The following RAP1GAP variants were observed in gnomAD, a reference collection of about 807,000 sequenced individuals.
RAP1GAP encodes the protein rap1 GTPase-activating protein 1.
RAP1GAP carries 35 observed loss-of-function variants against 87.2 expected under a neutral mutation model. The ratio of observed to expected loss-of-function variants is 0.40; its 90% CI spans 0.31 to 0.53. RAP1GAP has a LOEUF of 0.53. Among genes scored for constraint, RAP1GAP ranks in the 20% least tolerant of loss-of-function variants. RAP1GAP has a pLI of 0.48. For synonymous variants in RAP1GAP, 375 were observed against 363.9 expected (o/e 1.03, Z -0.35); for missense variants, 734 against 898.9 (o/e 0.82, Z 2.35).
At chr1:21,617,580 C>G (rs2083076522) in intron 6 of RAP1GAP, 89 bp from the exon 7 acceptor site, 1 of 1,415,082 alleles carries the variant, frequency 7.1e-7, no homozygotes, top group African/African-American at 1.4e-5. Context: ...GGAGCCGCTT[C>G]TGTCGTGGCT....
intron 3 of RAP1GAP, among the ~76,000 whole-genome samples, chr1:21,623,778 G>A (rs1304537263): frequency 2.6e-5 from 4 of 152,214 alleles, no homozygotes; most frequent in East Asian, 1.9e-4. Context: ...GAATGCTTCC[G>A]GGCACCCATC....
At chr1:21,605,737 T>C (rs1246499694) in intron 18 of RAP1GAP, among the ~76,000 whole-genome samples, 3 of 152,142 alleles carry the variant, frequency 2.0e-5, no homozygotes, top group African/African-American at 4.8e-5. Flanking sequence ...AGCAAACAGA[T>C]AGATACTCAA....
At chr1:21,635,376 C>A (rs112796200) in intron 2 of RAP1GAP, among the ~76,000 whole-genome samples, 1 of 152,226 alleles carries the variant, frequency 6.6e-6, no homozygotes, top group Non-Finnish European at 1.5e-5. Context: ...CCCACTCCCC[C>A]ATCTGCCCTT....
chr1:21,669,149 G>A lies in RAP1GAP; in HGVS notation c.-149+105C>T. 2.6e-6 allele frequency: 3 copies of A among 1,155,872 alleles called. No individual in the cohort carries two copies. Among genetic ancestry groups the A allele is most frequent in the East Asian group, 9.4e-5 (1 of 10,604 alleles). The allele number at this position is 1,155,872 out of a possible 1,614,324, so 71.6% of individuals were successfully genotyped here. ...CCCCACGCGTTCGCCCCCACCCTCC[G>A]TCCCCGCCCGCCCGCGCGGGGTCTT... On this transcript the variant is annotated intron_variant, in intron 1 of 24. Transcript: ENST00000374765. The surrounding 1 kb of genome is among the most constrained non-coding windows in gnomAD (Gnocchi z 5.6).
At position 21,597,981 on chromosome 1, in the gene RAP1GAP, C is replaced by T; in HGVS notation, c.1963G>A (p.Glu655Lys). The T allele has an allele frequency of 1.3e-6, 2 of 1,574,138 alleles. No homozygotes were observed. The highest frequency in any genetic ancestry group is 1.7e-6 in the Non-Finnish European group (2 of 1,160,950). Reference sequence around the variant, plus strand: ...CGTACCAGCTGGGGCATGTGCTGCTCAGATGCTTCCAGCTGGATCTTGATC... The same window carrying T: ...CGTACCAGCTGGGGCATGTGCTGCTTAGATGCTTCCAGCTGGATCTTGATC... ...PEIKIQLEAS[E>K]QHMPQLGC The change falls in exon 23 of 25, where the codon GAG (glutamate) becomes AAG (lysine). Residue 655 changes from glutamate to lysine, a missense_variant. By Grantham distance (56) the Glu-to-Lys change is moderately conservative. Around this residue, in one of 2 missense-constraint regions of RAP1GAP, gnomAD observed 249 missense variants for 252.7 expected, o/e 0.99. Coordinates refer to ENST00000374765, the MANE Select transcript of RAP1GAP (RefSeq NM_002885.4).
intron 18 of RAP1GAP, among the ~76,000 whole-genome samples, chr1:21,604,703 T>C (rs917776172): frequency 2.6e-5 from 4 of 151,908 alleles, no homozygotes; most frequent in African/African-American, 9.7e-5. Context: ...GGTCGGGGAA[T>C]TCCCTCCTGC....
intron 1 of RAP1GAP, chr1:21,651,714 T>G (rs1219013407): frequency 1.5e-6 from 2 of 1,296,750 alleles, no homozygotes; most frequent in Admixed American, 4.6e-5. Context: ...CCGCACGGGC[T>G]CCCCCCCACG....
At chr1:21,617,232 T>G (rs1389708328) in intron 7 of RAP1GAP, 74 bp downstream of exon 7, 1 of 1,498,270 alleles carries the variant, frequency 6.7e-7, no homozygotes, top group African/African-American at 1.4e-5. Context: ...TTCTGCTCCC[T>G]CCCAGGCCCA....
chr1:21,631,977 C>T (rs562260184), intron 2 of RAP1GAP, among the ~76,000 whole-genome samples: 32 of 152,338 alleles, frequency 2.1e-4, no homozygotes, highest in Admixed American at 4.6e-4. Flanking sequence ...GGCCCAGCTC[C>T]GGCTCTGCTC....
At chr1:21,635,111 G>A (rs2094472277) in intron 2 of RAP1GAP, among the ~76,000 whole-genome samples, 2 of 152,060 alleles carry the variant, frequency 1.3e-5, no homozygotes, top group South Asian at 4.2e-4. Context: ...CTTCCACCCC[G>A]AAGCTCAGCC....
chr1:21,626,936 A>T, intron 2 of RAP1GAP: 2 of 456,688 alleles, frequency 4.4e-6, no homozygotes, highest in Non-Finnish European at 8.8e-6. Context: ...TGGTATTCCC[A>T]CTTTACAGAC....
intron 17 of RAP1GAP, among the ~76,000 whole-genome samples, 195 bp downstream of exon 17, chr1:21,608,018 A>T (rs955755798): frequency 1.3e-5 from 2 of 148,206 alleles, no homozygotes; most frequent in Non-Finnish European, 3.0e-5. Context: ...CCCCTCTCAG[A>T]CTCCAATGCG....
intron 2 of RAP1GAP, among the ~76,000 whole-genome samples, chr1:21,627,199 G>A (rs1010021573): frequency 3.3e-5 from 5 of 152,202 alleles, no homozygotes; most frequent in South Asian, 2.1e-4. Flanking sequence ...CCTGGCTTCC[G>A]CTGCTGCCTA....
intron 2 of RAP1GAP, among the ~76,000 whole-genome samples, chr1:21,632,693 G>C (rs1470918779): frequency 5.3e-5 from 8 of 152,080 alleles, no homozygotes. Flanking sequence ...TGAAGCCAGG[G>C]GTTCGAGACC....
intron 1 of RAP1GAP, among the ~76,000 whole-genome samples, chr1:21,659,927 G>A (rs1202466664): frequency 2.0e-5 from 3 of 152,138 alleles, no homozygotes; most frequent in Non-Finnish European, 2.9e-5. Flanking sequence ...ATCAGTGGAT[G>A]CAGATATGGC....
At position 21,608,260 on chromosome 1, in the gene RAP1GAP, T is replaced by G; in HGVS notation, c.1249A>C (p.Lys417Gln). The change falls in exon 17 of 25, where the codon AAG becomes CAG. Residue 417 changes from lysine to glutamine, a missense_variant. By Grantham distance (53) the Lys-to-Gln change is moderately conservative. This residue lies in a region of RAP1GAP where 485 missense variants were observed against 646.2 expected (regional missense o/e 0.75). Transcript: ENST00000374765. ...SMMGLGGDEDKMENGSGGGGF... is the reference protein window; with the variant it reads ...SMMGLGGDEDQMENGSGGGGF... ...CCGCCCCCACTGCCATTCTCCATCT[T>G]GTCCTCGTCGCCGCCCAAGCCCATC... 1 of 1,614,102 alleles carries G rather than the reference T, an allele frequency of 6.2e-7. No individual in the cohort carries two copies. Among genetic ancestry groups the G allele is most frequent in the Non-Finnish European group, 8.5e-7 (1 of 1,179,976 alleles).
At chr1:21,621,408 C>T (rs532378675) in intron 3 of RAP1GAP, among the ~76,000 whole-genome samples, 130 of 152,294 alleles carry the variant, frequency 8.5e-4, no homozygotes, top group African/African-American at 3.1e-3. Context: ...CCTCACACAG[C>T]CCTCACCCGC....
At chr1:21,602,147 G>A (rs1455770606) in intron 19 of RAP1GAP, among the ~76,000 whole-genome samples, 1 of 152,220 alleles carries the variant, frequency 6.6e-6, no homozygotes, top group Non-Finnish European at 1.5e-5. Context: ...AGCTCTGGCA[G>A]CAGCAAGGAC....
intron 22 of RAP1GAP, 26 bp downstream of exon 22, chr1:21,598,374 G>C: frequency 1.3e-6 from 2 of 1,578,472 alleles, no homozygotes; most frequent in Non-Finnish European, 1.7e-6. Context: ...GCCCTGCTTT[G>C]TGGGGAAGCT....
Sources: allele counts gnomAD v4.1 joint callset (sites outside exome capture counted in the v4.1 genomes callset), GRCh38; gene constraint gnomAD v4.1.1; regional missense constraint gnomAD v4.1.1; non-coding constraint Gnocchi (gnomAD v3.1); transcripts MANE v1.5; gene names NCBI Gene and HGNC (gene_info 2026-07-23, HGNC 2026-07-21).